The following ZNF680 variants were observed in gnomAD, a reference collection of about 807,000 sequenced individuals.
ZNF680 encodes zinc finger protein 680.
In ZNF680, 6 loss-of-function variants were observed where a neutral mutation model predicts 12.1. The observed-to-expected ratio is 0.49, with a 90% CI of 0.27 to 0.98. The LOEUF (loss-of-function observed/expected upper bound fraction) is 0.98. Ranked by LOEUF, ZNF680 falls within the 50% of genes least tolerant of loss-of-function variation. The probability of loss-of-function intolerance (pLI) is 0.12; values close to 1 mark genes in which losing one functional copy is unlikely to be tolerated. For synonymous variants in ZNF680, 170 were observed against 199.3 expected (o/e 0.85, Z 1.24); for missense variants, 561 against 616.3 (o/e 0.91, Z 0.95).
chr7:64,500,414 G>T, the ZNF680 span, among the ~76,000 whole-genome samples: 1 of 152,014 alleles, frequency 6.6e-6, no homozygotes, highest in Non-Finnish European at 1.5e-5. Context: ...AATAAATAAA[G>T]AAAATGTGAT....
At chr7:64,503,624 G>A in the ZNF680 span, among the ~76,000 whole-genome samples, 76 of 152,192 alleles carry the variant, frequency 5.0e-4, no homozygotes, top group East Asian at 7.7e-3. Flanking sequence ...CAGGCGATCC[G>A]CCCACCTTGC....
At chr7:64,562,857 C>T in intron 1 of ZNF680, 68 bp downstream of exon 1, 1 of 1,592,774 alleles carries the variant, frequency 6.3e-7, no homozygotes, top group Non-Finnish European at 8.6e-7. Flanking sequence ...GGAGTCCTGC[C>T]ACAGCCACTT....
At chr7:64,509,889 A>G in the ZNF680 span, among the ~76,000 whole-genome samples, 1 of 152,110 alleles carries the variant, frequency 6.6e-6, no homozygotes, top group Non-Finnish European at 1.5e-5. Context: ...ACCCTGGGTC[A>G]CACAAAAGGG....
chr7:64,535,949 A>G (rs73355725), intron 3 of ZNF680, among the ~76,000 whole-genome samples: 1 of 152,162 alleles, frequency 6.6e-6, no homozygotes, highest in African/African-American at 2.4e-5. Context: ...GTCTCAAAAA[A>G]ACAAAAACAC....
chr7:64,519,499 G>GA (rs921738367), downstream of ZNF680, among the ~76,000 whole-genome samples: 5 of 151,374 alleles, frequency 3.3e-5, no homozygotes, highest in African/African-American at 1.2e-4. Context: ...CTATCCAGAG[G>GA]AAAAAAAGGC....
chr7:64,526,560 T>TAA (rs563893028), intron 3 of ZNF680: 20 of 352,528 alleles, frequency 5.7e-5, no homozygotes, highest in South Asian at 2.3e-4. Flanking sequence ...GTCCATTATT[T>TAA]AAAAAAAAAA....
chr7:64,521,647 C>T lies in ZNF680; in HGVS notation c.1107G>A (p.Lys369=). The T allele has an allele frequency of 1.2e-6, 2 of 1,612,326 alleles. No homozygotes were observed. The highest frequency in any genetic ancestry group is 1.7e-6 in the Non-Finnish European group (2 of 1,179,740). ...AGGATTTCTCTCCAGTATGAATTTT[C>T]TTATGTCTAGTAAGGTTTGCAAACT... ...FNQFANLTRH[K]KIHTGEKSYK... is the part of the protein sequence containing the mutation. Residue 369 remains lysine, a synonymous_variant, in exon 4 of 4, where the codon AAG becomes AAA. Coordinates refer to ENST00000309683, the MANE Select transcript of ZNF680 (RefSeq NM_178558.5).
intron 3 of ZNF680, among the ~76,000 whole-genome samples, chr7:64,536,096 G>T (rs912424420): frequency 6.6e-6 from 1 of 151,862 alleles, no homozygotes; most frequent in African/African-American, 2.4e-5. Context: ...ATAACATCAG[G>T]TCTCCAAAAT....
chr7:64,516,400 C>A (rs1562727014), downstream of ZNF680, among the ~76,000 whole-genome samples: 1 of 152,134 alleles, frequency 6.6e-6, no homozygotes, highest in African/African-American at 2.4e-5. Flanking sequence ...TGGGAGACAG[C>A]CCAAATATTC....
the ZNF680 span, among the ~76,000 whole-genome samples, chr7:64,507,063 TATTA>T: frequency 1.3e-3 from 191 of 152,330 alleles, no homozygotes; most frequent in African/African-American, 4.4e-3. Context: ...TACATATTTA[TATTA>T]ATTCTTTTAA....
intron 3 of ZNF680, among the ~76,000 whole-genome samples, chr7:64,537,968 A>G (rs1786266570): frequency 6.6e-6 from 1 of 151,978 alleles, no homozygotes; most frequent in Non-Finnish European, 1.5e-5. Flanking sequence ...CAGAATAGAG[A>G]GCCCAGAAAA....
rs1348417120 is a variant in ZNF680 at position 64,521,354 on chromosome 7, C to G, written c.1400G>C (p.Cys467Ser). Residue 467 changes from cysteine to serine, a missense_variant, in exon 4 of 4, where the codon TGT becomes TCT. By Grantham distance (112) the Cys-to-Ser change is moderately radical. Coordinates refer to ENST00000309683, the MANE Select transcript of ZNF680 (RefSeq NM_178558.5). ...TGCAGGCCAGTTAAAAACATTGCCA[C>G]ATTCATCACATTTGTAGGATTTCTC... ...TGEKSYKCDE[C>S]GNVFNWPATL... 6.2e-7 allele frequency: 1 copy of G among 1,613,516 alleles called. No individual in the cohort carries two copies. Among genetic ancestry groups the G allele is most frequent in the East Asian group, 2.2e-5 (1 of 44,840 alleles).
intron 3 of ZNF680, among the ~76,000 whole-genome samples, chr7:64,534,207 C>T (rs6952263): frequency 0.32 from 48,488 of 151,986 alleles, 8,786 homozygotes; most frequent in African/African-American, 0.48. Context: ...GCAAAAGGAA[C>T]AGTCAGCAGA....
At chr7:64,559,046 T>C (rs980949202) in intron 1 of ZNF680, among the ~76,000 whole-genome samples, 1 of 152,134 alleles carries the variant, frequency 6.6e-6, no homozygotes, top group African/African-American at 2.4e-5. Flanking sequence ...ATCTATATTT[T>C]ACATGTAGAA....
At chr7:64,539,351 C>CAAAAAAAAAAAAAAAAAAAAAAAAA (rs1170166478) in intron 3 of ZNF680, among the ~76,000 whole-genome samples, 1 of 48,496 alleles carries the variant, frequency 2.1e-5, no homozygotes, top group Non-Finnish European at 3.4e-5. Context: ...AACTTCGTCT[C>CAAAAAAAAAAAAAAAAAAAAAAAAA]AAAAAAAAAA....
chr7:64,558,044 A>G (rs1446159621), intron 1 of ZNF680, among the ~76,000 whole-genome samples: 1 of 152,332 alleles, frequency 6.6e-6, no homozygotes, highest in East Asian at 1.9e-4. Context: ...CCACAGGTGG[A>G]GGATAGTGCA....
At position 64,521,635 on chromosome 7, in the gene ZNF680, A is replaced by G; in HGVS notation, c.1119T>C (p.Thr373=). The change falls in exon 4 of 4, where the codon ACT becomes ACC. Residue 373 remains threonine, a synonymous_variant. Coordinates refer to ENST00000309683, the MANE Select transcript of ZNF680 (RefSeq NM_178558.5). ...CTTCACATTTGTAGGATTTCTCTCC[A>G]GTATGAATTTTCTTATGTCTAGTAA... ...ANLTRHKKIH[T]GEKSYKCEEC... 6.2e-7 allele frequency: 1 copy of G among 1,612,434 alleles called. No individual in the cohort carries two copies. Among genetic ancestry groups the G allele is most frequent in the Non-Finnish European group, 8.5e-7 (1 of 1,179,746 alleles).
At chr7:64,499,922 G>A in the ZNF680 span, among the ~76,000 whole-genome samples, 1 of 152,134 alleles carries the variant, frequency 6.6e-6, no homozygotes, top group Non-Finnish European at 1.5e-5. Context: ...AAAGCAGACT[G>A]GGGGGCTGTG....
chr7:64,543,970 G>T lies in ZNF680; in HGVS notation c.158-168C>A. The T allele has an allele frequency of 1.5e-5, 10 of 687,766 alleles. No individual in the cohort carries two copies. The South Asian group carries it at 2.1e-4, about 15-fold the overall frequency. The allele number at this position is 687,766 out of a possible 1,614,324, so 42.6% of individuals were successfully genotyped here. ...ATTTAGAAAATACTTTAAATTTTTAGGTCTTTAATTTCACTACCCAGTACT... is the reference window on the plus strand; with the variant it reads ...ATTTAGAAAATACTTTAAATTTTTATGTCTTTAATTTCACTACCCAGTACT... On this transcript the variant is annotated intron_variant, in intron 2 of 3. Coordinates refer to ENST00000309683, the MANE Select transcript of ZNF680 (RefSeq NM_178558.5).
Sources: gnomAD v4.1 joint callset for allele counts (sites outside exome capture counted in the v4.1 genomes callset) on GRCh38, gnomAD v4.1.1 for gene constraint, MANE v1.5 for transcripts, NCBI Gene and HGNC (gene_info 2026-07-23, HGNC 2026-07-21) for gene names.